ENTREP1: variants seen among roughly 807,000 people sequenced by gnomAD.
ENTREP1 encodes Friedreich ataxia region gene X123.
At chr9:69,362,009 CTAAA>C in the ENTREP1 span, among the ~76,000 whole-genome samples, 1 of 152,000 alleles carries the variant, frequency 6.6e-6, no homozygotes, top group African/African-American at 2.4e-5. Context: ...ACTAGTAGAG[CTAAA>C]TACTTATGCT....
chr9:69,340,931 T>G, the ENTREP1 span, among the ~76,000 whole-genome samples: 8 of 152,336 alleles, frequency 5.3e-5, 1 homozygote, highest in South Asian at 1.7e-3. Flanking sequence ...TCTAAGAAAA[T>G]GTTCTGTAAG....
the ENTREP1 span, chr9:69,325,007 T>C: frequency 4.1e-6 from 4 of 985,176 alleles, no homozygotes; most frequent in East Asian, 3.4e-4. Context: ...GCGGGGACCC[T>C]GAGGCTGTGG....
the ENTREP1 span, among the ~76,000 whole-genome samples, chr9:69,366,384 G>GTTTTTTTTTTTTTTTTTTTTTTTTTTTT: frequency 4.9e-5 from 6 of 122,990 alleles, 2 homozygotes; most frequent in African/African-American, 8.6e-5. Flanking sequence ...TTCCAACTGG[G>GTTTTTTTTTTTTTTTTTTTTTTTTTTTT]GTTTTTTTTT....
chr9:69,364,345 A>G, the ENTREP1 span, among the ~76,000 whole-genome samples: 1 of 152,082 alleles, frequency 6.6e-6, no homozygotes, highest in African/African-American at 2.4e-5. Flanking sequence ...CTAGATTTCA[A>G]ATTCAGATTT....
At chr9:69,362,548 A>G in the ENTREP1 span, among the ~76,000 whole-genome samples, 1 of 152,224 alleles carries the variant, frequency 6.6e-6, no homozygotes, top group Non-Finnish European at 1.5e-5. Context: ...TAAAGTAGTC[A>G]TGATTCAAAT....
At chr9:69,328,759 G>A in the ENTREP1 span, among the ~76,000 whole-genome samples, 2 of 152,126 alleles carry the variant, frequency 1.3e-5, no homozygotes, top group African/African-American at 4.8e-5. Flanking sequence ...TACCCATTTA[G>A]CATTTAAAGT....
the ENTREP1 span, chr9:69,325,760 C>A: frequency 5.7e-6 from 7 of 1,220,896 alleles, no homozygotes; most frequent in South Asian, 2.9e-4. Context: ...GCCCGGTCAT[C>A]CCGGTGATAG....
At chr9:69,376,869 C>G in the ENTREP1 span, among the ~76,000 whole-genome samples, 1 of 152,204 alleles carries the variant, frequency 6.6e-6, no homozygotes, top group Admixed American at 6.5e-5. Flanking sequence ...TACACTCTGG[C>G]TGGGCCAGCT....
At chr9:69,386,010 A>G in the ENTREP1 span, 1 of 1,489,220 alleles carries the variant, frequency 6.7e-7, no homozygotes, top group South Asian at 1.4e-5. Flanking sequence ...GAGCCAGGTG[A>G]AGGCAGGTGG....
the ENTREP1 span, among the ~76,000 whole-genome samples, chr9:69,346,637 A>G: frequency 2.0e-5 from 3 of 152,322 alleles, no homozygotes; most frequent in South Asian, 6.2e-4. Flanking sequence ...ATATTATATC[A>G]TTCAGACTTT....
the ENTREP1 span, chr9:69,371,744 A>G: frequency 1.5e-6 from 1 of 656,064 alleles, no homozygotes; most frequent in South Asian, 1.8e-5. Context: ...GAAGTGGGAA[A>G]ACAAAACAAA....
the ENTREP1 span, among the ~76,000 whole-genome samples, chr9:69,345,811 C>T: frequency 1.3e-5 from 2 of 152,038 alleles, no homozygotes; most frequent in Non-Finnish European, 2.9e-5. Context: ...ACCATCTTGG[C>T]CAGGCTGGTC....
At chr9:69,377,647 C>T in the ENTREP1 span, 470 of 1,614,134 alleles carry the variant, frequency 2.9e-4, 2 homozygotes, top group Middle Eastern at 3.3e-3. Context: ...AGCGGAGGAT[C>T]ATGGACGCAT....
At chr9:69,391,646 C>T in the ENTREP1 span, 4 of 1,614,042 alleles carry the variant, frequency 2.5e-6, no homozygotes, top group African/African-American at 4.0e-5. Context: ...CCACAAGCTG[C>T]CCTCGCGGAG....
the ENTREP1 span, among the ~76,000 whole-genome samples, chr9:69,326,727 A>AT: frequency 3.1e-3 from 463 of 151,164 alleles, 2 homozygotes; most frequent in African/African-American, 0.011. Context: ...TTTTTTTTTA[A>AT]TTTTTAATTT....
chr9:69,357,095 C>CAA, the ENTREP1 span, among the ~76,000 whole-genome samples: 78 of 88,936 alleles, frequency 8.8e-4, no homozygotes, highest in South Asian at 1.6e-3. Context: ...ACCATCTCTA[C>CAA]AAAAAAAAAA....
chr9:69,372,806 G>T, the ENTREP1 span, among the ~76,000 whole-genome samples: 1 of 151,556 alleles, frequency 6.6e-6, no homozygotes, highest in Admixed American at 6.6e-5. Context: ...GTGCACACGG[G>T]TTCCAATTTC....
the ENTREP1 span, chr9:69,383,638 G>T: frequency 1.2e-6 from 2 of 1,614,082 alleles, no homozygotes; most frequent in East Asian, 4.5e-5. Context: ...AGGATGGTTG[G>T]TCCTGATGTT....
At chr9:69,357,663 T>C in the ENTREP1 span, among the ~76,000 whole-genome samples, 1 of 152,074 alleles carries the variant, frequency 6.6e-6, no homozygotes, top group African/African-American at 2.4e-5. Context: ...GCAAACCAAG[T>C]CAGTGCATGT....
Sources: gnomAD v4.1 joint callset for allele counts (sites outside exome capture counted in the v4.1 genomes callset) on GRCh38, gnomAD v4.1.1 for gene constraint, MANE v1.5 for transcripts, NCBI Gene and HGNC (gene_info 2026-07-23, HGNC 2026-07-21) for gene names.